CCDC13: variants seen among roughly 807,000 people sequenced by gnomAD.
CCDC13 encodes coiled-coil domain-containing protein 13.
CCDC13 carries 70 observed loss-of-function variants against 87.3 expected under a neutral mutation model. The ratio of observed to expected loss-of-function variants is 0.80; its 90% CI spans 0.66 to 0.98. CCDC13 has a LOEUF of 0.98. Among genes scored for constraint, CCDC13 ranks in the 50% least tolerant of loss-of-function variants. CCDC13 has a pLI of 0.00. For missense variants in CCDC13, 842 were observed against 892.0 expected, an observed-to-expected ratio of 0.94 and a Z score of 0.71; for synonymous variants, 317 against 360.3, an observed-to-expected ratio of 0.88 and a Z score of 1.36.
intron 1 of CCDC13, among the ~76,000 whole-genome samples, chr3:42,760,624 T>C (rs935498894): frequency 2.0e-5 from 3 of 151,650 alleles, no homozygotes; most frequent in Admixed American, 6.6e-5. Context: ...GATTGCGCCA[T>C]GGCACTCCAG....
intron 14 of CCDC13, among the ~76,000 whole-genome samples, chr3:42,712,385 C>A (rs1195008701): frequency 6.6e-6 from 1 of 152,160 alleles, no homozygotes; most frequent in Non-Finnish European, 1.5e-5. Context: ...CTGGCTCTGG[C>A]ATCCTCCAGC....
chr3:42,715,846 T>C (rs1698418269), intron 13 of CCDC13, among the ~76,000 whole-genome samples: 1 of 152,184 alleles, frequency 6.6e-6, no homozygotes, highest in African/African-American at 2.4e-5. Flanking sequence ...CCATTTCCCT[T>C]CTGCCTTCCA....
chr3:42,763,229 G>A (rs1234006532), intron 1 of CCDC13, among the ~76,000 whole-genome samples: 5 of 152,170 alleles, frequency 3.3e-5, no homozygotes, highest in African/African-American at 1.2e-4. Context: ...CTCTGTGACT[G>A]GTACAAGAGT....
intron 13 of CCDC13, among the ~76,000 whole-genome samples, chr3:42,721,845 A>G (rs1698569781): frequency 6.6e-6 from 1 of 152,212 alleles, no homozygotes; most frequent in Admixed American, 6.5e-5. Context: ...GACCTTGTTT[A>G]TTCCTGTGAG....
At position 42,733,427 on chromosome 3, in the gene CCDC13, T is replaced by C. The variant is rs1559644842; in HGVS notation, c.1511+43A>G. 2.5e-6 allele frequency: 4 copies of C among 1,611,012 alleles called. No homozygotes were observed. In the Admixed American group the frequency reaches 6.7e-5, roughly 27 times the overall value. On this transcript the variant is annotated intron_variant, in intron 11 of 15. Coordinates refer to ENST00000310232, the MANE Select transcript of CCDC13 (RefSeq NM_144719.4). ...AAGAAACAACCTTTCTTCCGAATAA[T>C]TAATGTTCACTTTCCAACCCCTCCC...
At position 42,758,199 on chromosome 3, in the gene CCDC13, C is replaced by T. The variant is rs1263180164; in HGVS notation, c.147G>A (p.Glu49=). The T allele has an allele frequency of 6.2e-7, 1 of 1,614,158 alleles. No individual in the cohort carries two copies. Among genetic ancestry groups the T allele is most frequent in the African/African-American group, 1.3e-5 (1 of 75,050 alleles). The change falls in exon 2 of 16, where the codon GAG becomes GAA. Residue 49 remains glutamate, a synonymous_variant. Coordinates refer to ENST00000310232, the MANE Select transcript of CCDC13 (RefSeq NM_144719.4). ...TGAGGCCATCTGAAACCTCCAAGGG[C>T]TCCTCTTGGTCGTCAGCTCTGCTTT... ...SLKSRADDQE[E]PLEVSDGLSL... is the part of the protein sequence containing the mutation.
chr3:42,736,783 C>T (rs1223918581), intron 9 of CCDC13, among the ~76,000 whole-genome samples: 1 of 152,094 alleles, frequency 6.6e-6, no homozygotes, highest in African/African-American at 2.4e-5. Flanking sequence ...CATGATCACC[C>T]GCCCCGGGCC....
intron 14 of CCDC13, 116 bp from the exon 15 acceptor site, chr3:42,709,914 G>A (rs1480991237): frequency 2.3e-5 from 18 of 771,938 alleles, no homozygotes; most frequent in Admixed American, 1.0e-4. Flanking sequence ...ACGCTACACC[G>A]CCTTCGGGGT....
At chr3:42,735,046 T>C (rs1056785423) in intron 10 of CCDC13, among the ~76,000 whole-genome samples, 1 of 152,072 alleles carries the variant, frequency 6.6e-6, no homozygotes, top group East Asian at 1.9e-4. Flanking sequence ...GAAGTTTGGT[T>C]TGGGGATGCA....
At chr3:42,722,229 G>A (rs1231435081) in intron 13 of CCDC13, among the ~76,000 whole-genome samples, 3 of 152,196 alleles carry the variant, frequency 2.0e-5, no homozygotes, top group African/African-American at 7.2e-5. Context: ...TCACTACCCT[G>A]AACACAAGAG....
chr3:42,742,030 G>A (rs1028331838), intron 8 of CCDC13, among the ~76,000 whole-genome samples: 1 of 152,226 alleles, frequency 6.6e-6, no homozygotes, highest in African/African-American at 2.4e-5. Flanking sequence ...CTGTTGTATG[G>A]CCTGCCTGCA....
At chr3:42,771,508 ACT>A (rs1295314673) in intron 1 of CCDC13, among the ~76,000 whole-genome samples, 1 of 152,082 alleles carries the variant, frequency 6.6e-6, no homozygotes, top group Admixed American at 6.6e-5. Flanking sequence ...TAATCTCAAC[ACT>A]CTACGAAGCC....
intron 1 of CCDC13, among the ~76,000 whole-genome samples, chr3:42,771,962 G>A (rs1294948147): frequency 2.0e-5 from 3 of 152,100 alleles, no homozygotes; most frequent in African/African-American, 7.2e-5. Context: ...TCTGCTTTAA[G>A]TCTATTTTCT....
intron 10 of CCDC13, among the ~76,000 whole-genome samples, 189 bp downstream of exon 10, chr3:42,735,518 A>G (rs1559646375): frequency 1.3e-5 from 2 of 152,158 alleles, no homozygotes; most frequent in Non-Finnish European, 2.9e-5. Flanking sequence ...ACAGATTTTA[A>G]GTAGAGCAAG....
chr3:42,709,887 C>T (rs1698265393), intron 14 of CCDC13, 89 bp from the exon 15 acceptor site: 17 of 983,806 alleles, frequency 1.7e-5, no homozygotes, highest in Non-Finnish European at 2.6e-5. Context: ...CCACTGCCTG[C>T]TCTTCCACAT....
At chr3:42,709,219 G>T in intron 15 of CCDC13, 80 bp from the exon 16 acceptor site, 1 of 1,439,016 alleles carries the variant, frequency 6.9e-7, no homozygotes, top group Non-Finnish European at 9.3e-7. Context: ...CTGGGAATGT[G>T]GTTGCCAGCA....
At chr3:42,714,660 T>C (rs371349731) in intron 13 of CCDC13, among the ~76,000 whole-genome samples, 2 of 152,284 alleles carry the variant, frequency 1.3e-5, no homozygotes, top group African/African-American at 4.8e-5. Flanking sequence ...ACCTGAAAAT[T>C]AGAGGGGCAG....
chr3:42,750,161 AC>A (rs1407961080), intron 5 of CCDC13, among the ~76,000 whole-genome samples: 2 of 152,032 alleles, frequency 1.3e-5, no homozygotes, highest in Admixed American at 1.3e-4. Flanking sequence ...GGGTGACTTC[AC>A]CCCAGCTTTT....
At chr3:42,729,552 G>C (rs1198625596) in intron 13 of CCDC13, among the ~76,000 whole-genome samples, 1 of 152,192 alleles carries the variant, frequency 6.6e-6, no homozygotes, top group African/African-American at 2.4e-5. Flanking sequence ...CACATGTGGG[G>C]TGGATACGGG....
Sources: allele counts gnomAD v4.1 joint callset (sites outside exome capture counted in the v4.1 genomes callset), GRCh38; gene constraint gnomAD v4.1.1; transcripts MANE v1.5; gene names NCBI Gene and HGNC (gene_info 2026-07-23, HGNC 2026-07-21).